The following UNC5D variants were observed in gnomAD, a reference collection of about 807,000 sequenced individuals.
UNC5D encodes the protein unc-5 netrin receptor D, also known as netrin receptor UNC5D.
UNC5D carries 39 observed loss-of-function variants against 105.4 expected under a neutral mutation model. The ratio of observed to expected loss-of-function variants is 0.37; its 90% CI spans 0.29 to 0.48. The LOEUF (loss-of-function observed/expected upper bound fraction) is 0.48, where lower values mean the gene tolerates loss of function less well. UNC5D is among the 20% of genes least tolerant of loss of function. The probability of loss-of-function intolerance (pLI) is 0.98; values close to 1 mark genes in which losing one functional copy is unlikely to be tolerated. For synonymous variants in UNC5D, 452 were observed against 450.4 expected, an observed-to-expected ratio of 1.00 and a Z score of -0.04; for missense variants, 991 against 1,202.4, an observed-to-expected ratio of 0.82 and a Z score of 2.60.
chr8:35,429,404 G>C (rs1806474379), intron 1 of UNC5D, among the ~76,000 whole-genome samples: 1 of 151,656 alleles, frequency 6.6e-6, no homozygotes, highest in Non-Finnish European at 1.5e-5. Context: ...CTAACTCTCT[G>C]TTTTCTCTAT....
chr8:35,683,627 C>T lies in UNC5D; in HGVS notation c.651C>T (p.Ile217=). The part of the protein sequence containing the change: ...NIDTRADHNL[I]IRQARLSDSG... ...ACACCAGGGCTGACCATAACCTGAT[C>T]ATCAGGCAGGCACGGCTCTCGGACT... is the stretch of plus-strand genomic sequence containing the variant. Residue 217 remains isoleucine (I), a synonymous_variant, in exon 5 of 17, where the codon ATC becomes ATT. Coordinates refer to ENST00000404895, the MANE Select transcript of UNC5D (RefSeq NM_080872.4). The T allele has an allele frequency of 6.3e-7, 1 of 1,581,312 alleles. No individual in the cohort carries two copies. Among genetic ancestry groups the T allele is most frequent in the Non-Finnish European group, 8.6e-7 (1 of 1,168,540 alleles).
At chr8:35,583,038 A>G (rs953206070) in intron 3 of UNC5D, among the ~76,000 whole-genome samples, 3 of 152,206 alleles carry the variant, frequency 2.0e-5, no homozygotes, top group Non-Finnish European at 4.4e-5. Context: ...TGTCTCAGAA[A>G]AGGGATACTT....
At chr8:35,632,882 C>A (rs1289761678) in intron 4 of UNC5D, among the ~76,000 whole-genome samples, 1 of 152,174 alleles carries the variant, frequency 6.6e-6, no homozygotes, top group East Asian at 1.9e-4. Flanking sequence ...TTCTTTGGAG[C>A]CCCTTTCCTG....
At chr8:35,299,425 G>A (rs1807752126) in intron 1 of UNC5D, among the ~76,000 whole-genome samples, 2 of 152,154 alleles carry the variant, frequency 1.3e-5, no homozygotes, top group Non-Finnish European at 2.9e-5. Flanking sequence ...TCCTTAAGCT[G>A]GACAGTGATG....
At chr8:35,444,665 G>A (rs1807657513) in intron 1 of UNC5D, among the ~76,000 whole-genome samples, 1 of 151,952 alleles carries the variant, frequency 6.6e-6, no homozygotes, top group African/African-American at 2.4e-5. Context: ...GAGAGACTAT[G>A]TGGACCCAGG....
At chr8:35,378,406 C>A (rs754686116) in intron 1 of UNC5D, among the ~76,000 whole-genome samples, 6 of 152,140 alleles carry the variant, frequency 3.9e-5, no homozygotes, top group Non-Finnish European at 8.8e-5. Context: ...GTAGTGCAAG[C>A]CTTCCGTGAC....
chr8:35,726,285 G>A lies in UNC5D; in HGVS notation c.1437G>A (p.Ser479=), dbSNP rs780856374. The part of the protein sequence containing the change: ...MTESSLFNPL[S]DIKVKVQSSF... ...AGTCCTCACTCTTTAACCCTTTGTC[G>A]GACATCAAAGTGAAAGTCCAGAGCT... is the stretch of plus-strand genomic sequence containing the variant. Residue 479 remains serine (S), a synonymous_variant, in exon 10 of 17, where the codon TCG becomes TCA. Coordinates refer to ENST00000404895, the MANE Select transcript of UNC5D (RefSeq NM_080872.4). The A allele has an allele frequency of 1.4e-5, 23 of 1,613,968 alleles. No individual in the cohort carries two copies. The highest frequency in any genetic ancestry group is 9.9e-5 in the South Asian group (9 of 91,074).
rs572877036 is a variant in UNC5D at position 35,379,252 on chromosome 8, T to C, written c.103+143365T>C. 4.6e-5 allele frequency among the ~76,000 whole-genome samples: 7 copies of C among 152,276 alleles called. No homozygotes were observed. In the South Asian group the frequency reaches 1.2e-3, roughly 27 times the overall value. ...GCTACCCAGTGAGGACCCCTGACTT[T>C]CTCTTCAGTCTTCTAGGACACTGTG... On this transcript the variant is annotated intron_variant, in intron 1 of 16. Transcript: ENST00000404895.
At position 35,312,927 on chromosome 8, in the gene UNC5D, G is replaced by A. The variant is rs529894893; in HGVS notation, c.103+77040G>A. On this transcript the variant is annotated intron_variant, in intron 1 of 16. Coordinates refer to ENST00000404895, the MANE Select transcript of UNC5D (RefSeq NM_080872.4). ...CTTGCCAACTTCCTCCACTACCAGC[G>A]GAGAATTAGCTGCATTAGGATGCAC... Among the ~76,000 whole-genome samples the A allele has an allele frequency of 5.3e-5, 8 of 152,224 alleles. No homozygotes were observed. In the South Asian group the frequency reaches 8.3e-4, roughly 16 times the overall value.
intron 1 of UNC5D, among the ~76,000 whole-genome samples, chr8:35,455,991 G>C (rs1337210014): frequency 3.9e-5 from 6 of 152,150 alleles, no homozygotes; most frequent in African/African-American, 1.4e-4. Flanking sequence ...AAAGTGCAGG[G>C]TGGCAGTTTT....
chr8:35,410,612 G>T (rs185868107), intron 1 of UNC5D, among the ~76,000 whole-genome samples: 2 of 152,020 alleles, frequency 1.3e-5, no homozygotes, highest in Non-Finnish European at 2.9e-5. Context: ...TCAGAGCACC[G>T]TTTTTCAAAA....
At chr8:35,762,014 C>G (rs772264417) in intron 14 of UNC5D, among the ~76,000 whole-genome samples, 1 of 152,160 alleles carries the variant, frequency 6.6e-6, no homozygotes, top group Admixed American at 6.5e-5. Flanking sequence ...AAGAGAAAAT[C>G]ACACTATTCC....
At chr8:35,686,478 C>G in intron 6 of UNC5D, 67 bp from the exon 7 acceptor site, 1 of 1,459,718 alleles carries the variant, frequency 6.9e-7, no homozygotes, top group Non-Finnish European at 9.0e-7. Context: ...AACAGCAGTC[C>G]TGGGGTGAGT....
At chr8:35,699,480 G>A (rs12543831) in intron 7 of UNC5D, among the ~76,000 whole-genome samples, 4,184 of 152,204 alleles carry the variant, frequency 0.027, 170 homozygotes, top group Admixed American at 0.099. Context: ...TTACTAATGT[G>A]CATCTCAACT....
chr8:35,575,211 A>G (rs1438970412), intron 3 of UNC5D, among the ~76,000 whole-genome samples: 1 of 152,034 alleles, frequency 6.6e-6, no homozygotes, highest in Non-Finnish European at 1.5e-5. Context: ...AAACTGCTTG[A>G]GGATTCAACC....
At chr8:35,586,810 T>A (rs994865543) in intron 3 of UNC5D, among the ~76,000 whole-genome samples, 6 of 152,174 alleles carry the variant, frequency 3.9e-5, no homozygotes, top group Admixed American at 3.3e-4. Flanking sequence ...ATGAGTAAAT[T>A]ATTTTTATTT....
rs570354716 is a variant in UNC5D at position 35,562,750 on chromosome 8, T to G, written c.323-5348T>G. 4.6e-5 allele frequency among the ~76,000 whole-genome samples: 7 copies of G among 152,258 alleles called. No individual in the cohort carries two copies. In the South Asian group the frequency reaches 1.4e-3, roughly 32 times the overall value. On this transcript the variant is annotated intron_variant, in intron 2 of 16. Transcript: ENST00000404895. ...AGATAGATAGTTTGCAAATATTTTC[T>G]CATTTTCAGTGGGTTGTCTTTTAGT...
intron 4 of UNC5D, among the ~76,000 whole-genome samples, chr8:35,628,211 G>A (rs1251569001): frequency 6.6e-6 from 1 of 151,978 alleles, no homozygotes; most frequent in Non-Finnish European, 1.5e-5. Context: ...TCAGTTTACT[G>A]CAACCTTCAC....
chr8:35,623,466 T>G (rs551506301), intron 4 of UNC5D, among the ~76,000 whole-genome samples: 1 of 152,336 alleles, frequency 6.6e-6, no homozygotes, highest in South Asian at 2.1e-4. Flanking sequence ...TCCCTTCCTC[T>G]CTTTTCAGCA....
Sources: gnomAD v4.1 joint callset for allele counts (sites outside exome capture counted in the v4.1 genomes callset) on GRCh38, gnomAD v4.1.1 for gene constraint, MANE v1.5 for transcripts, NCBI Gene and HGNC (gene_info 2026-07-23, HGNC 2026-07-21) for gene names.